KCTD1: variants seen among roughly 807,000 people sequenced by gnomAD.
KCTD1 encodes BTB/POZ domain-containing protein KCTD1.
KCTD1 carries 24 observed loss-of-function variants against 66.0 expected under a neutral mutation model. The observed-to-expected ratio is 0.36, with a 90% CI of 0.26 to 0.51. The LOEUF (loss-of-function observed/expected upper bound fraction) is 0.51, where lower values mean the gene tolerates loss of function less well. Among genes scored for constraint, KCTD1 ranks in the 20% least tolerant of loss-of-function variants. The pLI is 0.95. For synonymous variants in KCTD1, 511 were observed against 517.2 expected (o/e 0.99, Z 0.16); for missense variants, 943 against 1,205.2 (o/e 0.78, Z 3.22).
chr18:26,572,090 C>T (rs530237828), intron 1 of KCTD1, among the ~76,000 whole-genome samples: 8 of 148,590 alleles, frequency 5.4e-5, no homozygotes, highest in African/African-American at 1.5e-4. Flanking sequence ...GACGTAGTCT[C>T]GCTCTGTTGC....
intron 1 of KCTD1, among the ~76,000 whole-genome samples, chr18:26,623,694 G>A (rs1002907827): frequency 6.6e-6 from 1 of 152,194 alleles, no homozygotes; most frequent in African/African-American, 2.4e-5. Context: ...CATAAGAACA[G>A]ACTAATAGAG....
At chr18:26,515,141 G>C (rs1223403118) in intron 1 of KCTD1, among the ~76,000 whole-genome samples, 2 of 152,188 alleles carry the variant, frequency 1.3e-5, no homozygotes, top group Non-Finnish European at 2.9e-5. Flanking sequence ...TGACTGGGAA[G>C]AAAAGTTTCC....
chr18:26,496,833 GA>G (rs1277097278), intron 2 of KCTD1, among the ~76,000 whole-genome samples: 1 of 152,076 alleles, frequency 6.6e-6, no homozygotes, highest in Non-Finnish European at 1.5e-5. Context: ...TTCTTTTGGT[GA>G]AATGGCCATT....
intron 2 of KCTD1, among the ~76,000 whole-genome samples, chr18:26,493,163 T>C (rs945019563): frequency 6.6e-6 from 1 of 152,210 alleles, no homozygotes; most frequent in Non-Finnish European, 1.5e-5. Flanking sequence ...TTACTGGAAG[T>C]TGAGTGTATG....
upstream of KCTD1, among the ~76,000 whole-genome samples, chr18:26,643,691 G>C (rs139235318): frequency 6.6e-5 from 10 of 152,100 alleles, no homozygotes; most frequent in Non-Finnish European, 8.8e-5. Flanking sequence ...GGCCGGGTGC[G>C]GTGGCTCACG....
At chr18:26,514,779 T>C (rs1342630836) in intron 1 of KCTD1, among the ~76,000 whole-genome samples, 2 of 152,214 alleles carry the variant, frequency 1.3e-5, no homozygotes, top group Non-Finnish European at 2.9e-5. Context: ...TGTCCAGTTC[T>C]TAGTTACATT....
In KCTD1 at chr18:26,562,704, C is replaced by T. The variant is rs148385198; in HGVS notation, c.-15-61454G>A. ...TAAACAACAGAAATTAATTTTCTCA[C>T]AGTTCTGGAGGCTGGAAGTCCAAGA... On this transcript the variant is annotated intron_variant, in intron 1 of 4. Coordinates refer to the KCTD1 transcript ENST00000317932. Among the ~76,000 whole-genome samples, 751 of 152,288 alleles carry T rather than the reference C, an allele frequency of 4.9e-3. 8 individuals carry two copies. Among genetic ancestry groups the T allele is most frequent in the Admixed American group, 6.2e-3 (95 of 15,302 alleles).
rs554965701 is a variant in KCTD1, at chr18:26,617,072, T to C, written c.-16+12075A>G. On this transcript the variant is annotated intron_variant, in intron 1 of 4. Transcript: ENST00000317932. ...TTAAGTGTACTCTGCCTGACCTTGA[T>C]TTGGTGGAGTAAGGAAGAGAAAGGG... Among the ~76,000 whole-genome samples the C allele has an allele frequency of 2.6e-5, 4 of 152,288 alleles. No homozygotes were observed. In the South Asian group the frequency reaches 8.3e-4, roughly 32 times the overall value.
At chr18:26,544,702 T>A (rs1320733712) in intron 1 of KCTD1, 1 of 152,126 alleles carries the variant, frequency 6.6e-6, no homozygotes, top group African/African-American at 2.4e-5. Flanking sequence ...ACTCTTACAG[T>A]GATTTTAATA....
chr18:26,516,604 A>G (rs186411460), intron 1 of KCTD1, among the ~76,000 whole-genome samples: 24 of 152,328 alleles, frequency 1.6e-4, no homozygotes, highest in African/African-American at 5.1e-4. Flanking sequence ...GGAAGATCAC[A>G]GGCATCAGTT....
chr18:26,501,262 T>G lies in KCTD1; in HGVS notation c.1810-12A>C, dbSNP rs896219587. The G allele has an allele frequency of 3.7e-6, 6 of 1,608,828 alleles. No individual in the cohort carries two copies. In the East Asian group the frequency reaches 1.3e-4, roughly 36 times the overall value. Reference sequence around the variant, plus strand: ...TTGGGCCGACTGTCCTACAGAGAGATAAGCAAGTTTAGATACTTTTTCTCT... The same window carrying G: ...TTGGGCCGACTGTCCTACAGAGAGAGAAGCAAGTTTAGATACTTTTTCTCT... On this transcript the variant is annotated splice_polypyrimidine_tract_variant and intron_variant, in intron 1 of 4. Coordinates refer to ENST00000580059, the MANE Select transcript of KCTD1 (RefSeq NM_001142730.3).
At chr18:26,559,186 G>T (rs1985785503) in intron 1 of KCTD1, among the ~76,000 whole-genome samples, 1 of 152,078 alleles carries the variant, frequency 6.6e-6, no homozygotes, top group Admixed American at 6.6e-5. Context: ...CTGCTATTTG[G>T]TGGCACAACA....
intron 1 of KCTD1, among the ~76,000 whole-genome samples, chr18:26,590,032 C>A (rs897925529): frequency 6.6e-6 from 1 of 152,094 alleles, no homozygotes; most frequent in South Asian, 2.1e-4. Context: ...ATTAGTGAAT[C>A]CTGGAACAGC....
chr18:26,567,078 G>A (rs921082589), intron 1 of KCTD1: 2 of 152,074 alleles, frequency 1.3e-5, no homozygotes, highest in Admixed American at 1.3e-4. Flanking sequence ...ACTCTGAGAG[G>A]CTCCTGCAAA....
chr18:26,551,048 C>A (rs962318737), upstream of KCTD1, among the ~76,000 whole-genome samples: 2 of 152,168 alleles, frequency 1.3e-5, no homozygotes, highest in African/African-American at 4.8e-5. Context: ...GGAGCCGCCC[C>A]CCAGGTCTCC....
At chr18:26,646,453 C>T (rs867682828) in intron 1 of KCTD1, among the ~76,000 whole-genome samples, 1 of 152,168 alleles carries the variant, frequency 6.6e-6, no homozygotes, top group South Asian at 2.1e-4. Context: ...TCTTGAATAA[C>T]CAAACTTATC....
At chr18:26,599,318 G>C in intron 1 of KCTD1, 2 of 1,162,668 alleles carry the variant, frequency 1.7e-6, no homozygotes, top group Non-Finnish European at 2.5e-6. Context: ...TCAATTGACT[G>C]GGGGAGAAGC....
chr18:26,540,898 T>C (rs1984944708), intron 1 of KCTD1, among the ~76,000 whole-genome samples: 1 of 152,192 alleles, frequency 6.6e-6, no homozygotes, highest in Non-Finnish European at 1.5e-5. Flanking sequence ...AGCCCTGAGT[T>C]GTTCAATGGT....
At chr18:26,485,428 T>C (rs1237756299) in intron 2 of KCTD1, among the ~76,000 whole-genome samples, 2 of 152,208 alleles carry the variant, frequency 1.3e-5, no homozygotes, top group Non-Finnish European at 1.5e-5. Flanking sequence ...TTTGCATCCT[T>C]GGGAGACAGT....
Sources: gnomAD v4.1 joint callset for allele counts (sites outside exome capture counted in the v4.1 genomes callset) on GRCh38, gnomAD v4.1.1 for gene constraint, MANE v1.5 for transcripts, NCBI Gene and HGNC (gene_info 2026-07-23, HGNC 2026-07-21) for gene names.